Variants in PRKN observed in about 807,000 individuals in gnomAD.
PRKN encodes the protein parkin RBR E3 ubiquitin protein ligase, also known as E3 ubiquitin-protein ligase parkin.
Under a neutral mutation model 59.5 loss-of-function variants are expected in PRKN, and 56 were observed. The ratio of observed to expected loss-of-function variants is 0.94; its 90% CI spans 0.76 to 1.18. PRKN has a LOEUF of 1.18. PRKN is among the 50% of genes most tolerant of loss of function. The pLI is 0.00. For missense variants in PRKN, 657 were observed against 596.4 expected, an observed-to-expected ratio of 1.10 and a Z score of -1.06; for synonymous variants, 250 against 222.1, an observed-to-expected ratio of 1.13 and a Z score of -1.12.
At chr6:161,472,364 C>T (rs1790837436) in intron 9 of PRKN, among the ~76,000 whole-genome samples, 1 of 151,948 alleles carries the variant, frequency 6.6e-6, no homozygotes, top group Non-Finnish European at 1.5e-5. Context: ...AAAAATGGGT[C>T]AACTAATTTT....
At chr6:161,919,801 G>T (rs1778710416) in intron 6 of PRKN, among the ~76,000 whole-genome samples, 1 of 152,214 alleles carries the variant, frequency 6.6e-6, no homozygotes, top group South Asian at 2.1e-4. Context: ...AACTGTGTCA[G>T]ATGGCATTTC....
In PRKN at chr6:161,581,075, C is replaced by CACACACACAA. The variant is rs949539871; in HGVS notation, c.872-11660_872-11659insTTGTGTGTGT. ...ACACACACACACACACACACACACACAAAATAGCCAGGCGTGGTGGCATGC... is the reference window on the plus strand; with the variant it reads ...ACACACACACACACACACACACACACACACACACAAAAAATAGCCAGGCGTGGTGGCATGC... On this transcript the variant is annotated intron_variant, in intron 7 of 11. Coordinates refer to ENST00000366898, the MANE Select transcript of PRKN (RefSeq NM_004562.3). The surrounding 1 kb of genome is among the most constrained non-coding windows in gnomAD (Gnocchi z 4.5). 6.6e-6 allele frequency among the ~76,000 whole-genome samples: 1 copy of CACACACACAA among 150,674 alleles called. No individual in the cohort carries two copies. The highest frequency in any genetic ancestry group is 2.0e-4 in the East Asian group (1 of 5,118).
intron 2 of PRKN, among the ~76,000 whole-genome samples, chr6:162,429,707 C>T (rs138159275): frequency 1.7e-3 from 256 of 152,270 alleles, no homozygotes; most frequent in African/African-American, 5.9e-3. Context: ...AAAGTCTGCA[C>T]TCAAATAGAA....
chr6:161,663,394 G>A (rs1326134930), intron 7 of PRKN, among the ~76,000 whole-genome samples: 10 of 152,018 alleles, frequency 6.6e-5, no homozygotes, highest in East Asian at 3.9e-4. Context: ...TTCCTAACTC[G>A]TATCTGAAAT....
chr6:162,084,637 A>G (rs918057921), intron 4 of PRKN, among the ~76,000 whole-genome samples: 2 of 152,120 alleles, frequency 1.3e-5, no homozygotes, highest in African/African-American at 4.8e-5. Flanking sequence ...TACCTGAGTT[A>G]TTTATGTTTC....
intron 10 of PRKN, among the ~76,000 whole-genome samples, chr6:161,367,740 GT>G (rs1167905398): frequency 1.3e-5 from 2 of 152,176 alleles, no homozygotes; most frequent in Admixed American, 6.5e-5. Context: ...CGGCCGGCGG[GT>G]CCGAGACCCT....
intron 1 of PRKN, among the ~76,000 whole-genome samples, chr6:162,606,757 C>T (rs1781936272): frequency 6.6e-6 from 1 of 152,206 alleles, no homozygotes; most frequent in African/African-American, 2.4e-5. Context: ...CACTCTGTCA[C>T]CAAGGCTGGG....
At chr6:161,939,300 C>A (rs140098268) in intron 6 of PRKN, among the ~76,000 whole-genome samples, 1 of 150,648 alleles carries the variant, frequency 6.6e-6, no homozygotes, top group Non-Finnish European at 1.5e-5. Flanking sequence ...TGCCCATAAT[C>A]TCAGCTACTA....
chr6:162,631,386 C>T (rs1476621709), intron 1 of PRKN, among the ~76,000 whole-genome samples: 2 of 152,156 alleles, frequency 1.3e-5, no homozygotes, highest in Admixed American at 6.5e-5. Context: ...GCAATACTAA[C>T]TCTGCGTTCT....
At chr6:161,748,405 C>T (rs1244305417) in intron 7 of PRKN, among the ~76,000 whole-genome samples, 1 of 151,070 alleles carries the variant, frequency 6.6e-6, no homozygotes, top group South Asian at 2.1e-4. Context: ...GAAACTCAGA[C>T]TATAAACTGC....
At chr6:162,338,257 CCCTCT>C (rs1353557978) in intron 2 of PRKN, among the ~76,000 whole-genome samples, 5 of 152,020 alleles carry the variant, frequency 3.3e-5, no homozygotes, top group South Asian at 2.1e-4. Flanking sequence ...CTCTCCCTCT[CCCTCT>C]CCCTCTCCCT....
chr6:161,492,337 G>A (rs1777590004), intron 9 of PRKN, among the ~76,000 whole-genome samples: 1 of 152,172 alleles, frequency 6.6e-6, no homozygotes, highest in South Asian at 2.1e-4. Context: ...TCTTGGACAA[G>A]ACCAAGATTA....
intron 9 of PRKN, among the ~76,000 whole-genome samples, chr6:161,535,771 A>T (rs1779391324): frequency 6.6e-6 from 1 of 152,096 alleles, no homozygotes; most frequent in Admixed American, 6.5e-5. Flanking sequence ...CACCATGTAG[A>T]TGAGGGCAAC....
intron 4 of PRKN, among the ~76,000 whole-genome samples, chr6:162,176,169 A>C (rs778372581): frequency 8.5e-5 from 13 of 152,158 alleles, no homozygotes; most frequent in Non-Finnish European, 1.8e-4. Flanking sequence ...AGAGGGGCCT[A>C]TTAAGATTTG....
chr6:161,669,079 T>G (rs1322246987), intron 7 of PRKN, among the ~76,000 whole-genome samples: 4 of 152,168 alleles, frequency 2.6e-5, no homozygotes, highest in African/African-American at 4.8e-5. Flanking sequence ...AGTGCCCTTA[T>G]AGAAGAGGCC....
intron 1 of PRKN, among the ~76,000 whole-genome samples, chr6:162,716,753 C>T (rs191084680): frequency 3.5e-4 from 53 of 149,668 alleles, no homozygotes; most frequent in African/African-American, 1.3e-3. Context: ...ACACCCTACC[C>T]GCCTGCGCGC....
chr6:161,857,705 T>C (rs989456070), intron 6 of PRKN, among the ~76,000 whole-genome samples: 1 of 152,294 alleles, frequency 6.6e-6, no homozygotes, highest in Non-Finnish European at 1.5e-5. Flanking sequence ...AATAACAACA[T>C]TGGTGTGTTA....
intron 3 of PRKN, among the ~76,000 whole-genome samples, chr6:162,219,371 C>A (rs1461374892): frequency 6.6e-6 from 1 of 152,172 alleles, no homozygotes; most frequent in Non-Finnish European, 1.5e-5. Flanking sequence ...AAGCCACCTG[C>A]ACTGTAGCTC....
chr6:162,436,418 C>T (rs1407032895), intron 2 of PRKN, among the ~76,000 whole-genome samples: 4 of 151,390 alleles, frequency 2.6e-5, no homozygotes, highest in African/African-American at 7.3e-5. Flanking sequence ...CTGCCACCTC[C>T]GCCTCCCAGG....
Sources: gnomAD v4.1 joint callset for allele counts (sites outside exome capture counted in the v4.1 genomes callset) on GRCh38, gnomAD v4.1.1 for gene constraint, Gnocchi (gnomAD v3.1) non-coding constraint, MANE v1.5 for transcripts, NCBI Gene and HGNC (gene_info 2026-07-23, HGNC 2026-07-21) for gene names.